Variants in DNAH11 observed in about 807,000 individuals in gnomAD.
DNAH11 encodes axonemal beta dynein heavy chain 11.
Under a neutral mutation model 526.0 loss-of-function variants are expected in DNAH11, and 442 were observed. That is an observed-to-expected ratio of 0.84 (90% CI 0.78 to 0.91). The LOEUF (loss-of-function observed/expected upper bound fraction) is 0.91. Ranked by LOEUF, DNAH11 falls within the 40% of genes least tolerant of loss-of-function variation. DNAH11 has a pLI of 0.00. For synonymous variants in DNAH11, 2,461 were observed against 1,935.9 expected (o/e 1.27, Z -7.12); for missense variants, 6,989 against 5,448.7 (o/e 1.28, Z -8.90).
chr7:21,584,543 A>T (rs760686333), intron 9 of DNAH11, among the ~76,000 whole-genome samples: 2 of 152,152 alleles, frequency 1.3e-5, no homozygotes, highest in Non-Finnish European at 2.9e-5. Context: ...AAACCTGCAC[A>T]TTGTGTACAT....
chr7:21,844,250 C>G (rs1196773918), intron 66 of DNAH11, among the ~76,000 whole-genome samples: 2 of 152,128 alleles, frequency 1.3e-5, no homozygotes, highest in African/African-American at 4.8e-5. Context: ...CATGGCAAAA[C>G]CCCATCTCTA....
intron 30 of DNAH11, among the ~76,000 whole-genome samples, chr7:21,666,123 A>G (rs1782412765): frequency 6.6e-6 from 1 of 152,086 alleles, no homozygotes; most frequent in Admixed American, 6.6e-5. Flanking sequence ...TTCCTTGGTT[A>G]TCCCAAATTG....
chr7:21,683,607 G>T (rs1017034333), intron 31 of DNAH11, among the ~76,000 whole-genome samples, 177 bp from the exon 32 acceptor site: 1 of 152,096 alleles, frequency 6.6e-6, no homozygotes, highest in African/African-American at 2.4e-5. Flanking sequence ...CTTATTACAC[G>T]CATATTTCTT....
intron 54 of DNAH11, among the ~76,000 whole-genome samples, chr7:21,757,029 AAAAG>A (rs1257969929): frequency 2.0e-5 from 3 of 152,206 alleles, no homozygotes; most frequent in Admixed American, 2.0e-4. Flanking sequence ...TTGTGGACAT[AAAAG>A]AAAGCCATTG....
intron 8 of DNAH11, among the ~76,000 whole-genome samples, chr7:21,574,767 T>C (rs1308839486): frequency 1.3e-5 from 2 of 151,136 alleles, no homozygotes; most frequent in Non-Finnish European, 2.9e-5. Flanking sequence ...GGTTTCGCCA[T>C]GTTGGCCGGG....
In DNAH11 at chr7:21,681,604, G is replaced by C; in HGVS notation, c.5387G>C (p.Arg1796Thr). 2 of 1,613,880 alleles carry C rather than the reference G, an allele frequency of 1.2e-6. No homozygotes were observed. The highest frequency in any genetic ancestry group is 1.7e-6 in the Non-Finnish European group (2 of 1,179,806). The change falls in exon 31 of 82, where the codon AGA becomes ACA. Residue 1796 changes from arginine to threonine, a missense_variant. Transcript: ENST00000409508. ...CTGGGAGAACTTCCACCTGGAGACA[G>C]ACAGAAGATCATGACAATTTGTACC... is the stretch of plus-strand genomic sequence containing the variant. ...LLLGELPPGD[R>T]QKIMTICTID... is the part of the protein sequence containing the mutation.
Position 21,848,510 on chromosome 7 carries a change from C to T in DNAH11, c.10897-3957C>T, listed in dbSNP as rs186248046. Among the ~76,000 whole-genome samples, 8 of 152,048 alleles carry T rather than the reference C, an allele frequency of 5.3e-5. No individual in the cohort carries two copies. The East Asian group carries it at 1.5e-3, about 29-fold the overall frequency. The stretch of plus-strand genomic sequence containing the variant: ...TGGGTTTTATTCATTATACTTGTTT[C>T]TCACTAGTTTTGTCTTTTTCTCTTC... On this transcript the variant is annotated intron_variant, in intron 66 of 81. Transcript: ENST00000409508.
chr7:21,863,823 T>C (rs938210653), intron 69 of DNAH11, among the ~76,000 whole-genome samples: 1 of 152,222 alleles, frequency 6.6e-6, no homozygotes, highest in Non-Finnish European at 1.5e-5. Context: ...TAAAATATTT[T>C]AGTGCATGTT....
chr7:21,544,135 C>A (rs999516453), intron 1 of DNAH11, among the ~76,000 whole-genome samples: 1 of 152,182 alleles, frequency 6.6e-6, no homozygotes, highest in Non-Finnish European at 1.5e-5. Context: ...ACAGTTCCCT[C>A]CTTTCTTCTT....
intron 61 of DNAH11, 70 bp from the exon 62 acceptor site, chr7:21,801,067 G>A: frequency 2.0e-6 from 3 of 1,503,604 alleles, no homozygotes; most frequent in South Asian, 2.4e-5. Flanking sequence ...AGTAACAGAT[G>A]TTTTAAGATG....
intron 9 of DNAH11, among the ~76,000 whole-genome samples, chr7:21,585,061 G>GT (rs1784438530): frequency 6.6e-6 from 1 of 151,870 alleles, no homozygotes; most frequent in Non-Finnish European, 1.5e-5. Context: ...GTCAGTTAAT[G>GT]TTTTTTCTAA....
At chr7:21,885,204 C>T (rs1401625357) in intron 76 of DNAH11, among the ~76,000 whole-genome samples, 2 of 98,362 alleles carry the variant, frequency 2.0e-5, no homozygotes, top group African/African-American at 3.3e-5. Flanking sequence ...ACATTTATGA[C>T]ACAATGGGAA....
In DNAH11 at chr7:21,600,026, C is replaced by A. The variant is rs777691425; in HGVS notation, c.2907C>A (p.Phe969Leu). 1 of 1,609,212 alleles carries A rather than the reference C, an allele frequency of 6.2e-7. No homozygotes were observed. Among genetic ancestry groups the A allele is most frequent in the Admixed American group, 1.7e-5 (1 of 59,786 alleles). ...PSLDREAGDG[F>L]YDLVEEMLCN... is the part of the protein sequence containing the mutation. ...TAGACAGAGAGGCTGGGGATGGCTT[C>A]TATGATCTTGTAGAAGAAATGTTAT... is the stretch of plus-strand genomic sequence containing the variant. The change falls in exon 15 of 82, where the codon TTC becomes TTA. Residue 969 changes from phenylalanine to leucine, a missense_variant. Transcript: ENST00000409508.
chr7:21,850,910 G>C (rs758474442), intron 66 of DNAH11, among the ~76,000 whole-genome samples: 2 of 152,126 alleles, frequency 1.3e-5, no homozygotes, highest in African/African-American at 2.4e-5. Context: ...TTATACTGGA[G>C]TCTGTCAATG....
chr7:21,592,298 C>G (rs1489136000), intron 14 of DNAH11, among the ~76,000 whole-genome samples: 1 of 152,170 alleles, frequency 6.6e-6, no homozygotes, highest in East Asian at 1.9e-4. Context: ...TTGGGCAGGC[C>G]TCTTTCCTAA....
chr7:21,742,245 A>C, intron 49 of DNAH11, 79 bp downstream of exon 49: 2 of 1,469,560 alleles, frequency 1.4e-6, no homozygotes, highest in Non-Finnish European at 9.2e-7. Context: ...TTTTTATGTC[A>C]CTATAGAGAA....
At chr7:21,829,520 A>C (rs6461605) in intron 65 of DNAH11, among the ~76,000 whole-genome samples, 1 of 152,152 alleles carries the variant, frequency 6.6e-6, no homozygotes, top group Non-Finnish European at 1.5e-5. Flanking sequence ...CTGGTCTACC[A>C]CAATAGTAAG....
intron 28 of DNAH11, among the ~76,000 whole-genome samples, chr7:21,652,166 G>T (rs563235490): frequency 6.6e-6 from 1 of 152,294 alleles, no homozygotes; most frequent in East Asian, 1.9e-4. Context: ...TGCAGCCAGG[G>T]GAACTTAGTG....
At chr7:21,749,145 G>A (rs370562799) in intron 52 of DNAH11, among the ~76,000 whole-genome samples, 2 of 152,154 alleles carry the variant, frequency 1.3e-5, no homozygotes, top group East Asian at 1.9e-4. Flanking sequence ...AAGAACAGGA[G>A]AAGAAGATGC....
Sources: allele counts gnomAD v4.1 joint callset (sites outside exome capture counted in the v4.1 genomes callset), GRCh38; gene constraint gnomAD v4.1.1; transcripts MANE v1.5; gene names NCBI Gene and HGNC (gene_info 2026-07-23, HGNC 2026-07-21).